The following GPHN variants were observed in gnomAD, a reference collection of about 807,000 sequenced individuals.
The protein encoded by GPHN is gephyrin.
A neutral mutation model predicts 95.5 loss-of-function variants in GPHN; 17 were observed. The observed-to-expected ratio is 0.18, with a 90% CI of 0.12 to 0.27. The LOEUF is 0.27. GPHN is among the 10% of genes least tolerant of loss of function. GPHN has a pLI of 1.00. For missense variants in GPHN, 660 were observed against 978.1 expected (o/e 0.67, Z 4.34); for synonymous variants, 320 against 322.5 (o/e 0.99, Z 0.08).
the GPHN span, among the ~76,000 whole-genome samples, chr14:67,578,966 A>T: frequency 6.6e-6 from 1 of 152,186 alleles, no homozygotes; most frequent in African/African-American, 2.4e-5. The surrounding 1 kb of genome is among the most constrained non-coding windows in gnomAD (Gnocchi z 5.0). Context: ...CCTGCTATAT[A>T]AAGGTCCTGA....
At chr14:67,278,890 C>T in the GPHN span, 2 of 204,524 alleles carry the variant, frequency 9.8e-6, no homozygotes, top group African/African-American at 4.6e-5. Flanking sequence ...AGTACTTAAT[C>T]TACTTAACAA....
At chr14:66,742,769 GT>G (rs1474285688) in intron 2 of GPHN, among the ~76,000 whole-genome samples, 1 of 151,834 alleles carries the variant, frequency 6.6e-6, no homozygotes, top group Non-Finnish European at 1.5e-5. Context: ...TTTTTGTTTT[GT>G]TTTGTTTTTG....
At chr14:67,732,076 G>A in the GPHN span, among the ~76,000 whole-genome samples, 3 of 146,918 alleles carry the variant, frequency 2.0e-5, no homozygotes, top group African/African-American at 7.6e-5. Flanking sequence ...GCAGTAAGCC[G>A]AGATCACTCC....
chr14:66,642,219 T>C (rs897964329), intron 1 of GPHN, among the ~76,000 whole-genome samples: 9 of 152,092 alleles, frequency 5.9e-5, no homozygotes, highest in Non-Finnish European at 1.5e-5. Context: ...GATAGTAAAA[T>C]GATCCTGGGT....
the GPHN span, among the ~76,000 whole-genome samples, chr14:67,547,221 G>A: frequency 1.3e-5 from 2 of 152,182 alleles, no homozygotes; most frequent in Non-Finnish European, 2.9e-5. Context: ...GAGAGACACA[G>A]ATCTGGACTA....
the GPHN span, among the ~76,000 whole-genome samples, chr14:67,443,874 ATAAATCTTGGGGCCCC>A: frequency 6.6e-6 from 1 of 152,162 alleles, no homozygotes; most frequent in Non-Finnish European, 1.5e-5. Flanking sequence ...TGAAAGGAAA[ATAAATCTTGGGGCCCC>A]TAAATCACTA....
intron 10 of GPHN, among the ~76,000 whole-genome samples, chr14:67,042,644 G>A (rs989549898): frequency 1.6e-4 from 24 of 152,270 alleles, no homozygotes; most frequent in African/African-American, 5.5e-4. Context: ...TTGTAATATA[G>A]TTTGAAGTCA....
intron 11 of GPHN, among the ~76,000 whole-genome samples, chr14:67,087,321 C>T (rs185888610): frequency 7.8e-4 from 119 of 152,290 alleles, no homozygotes; most frequent in African/African-American, 2.8e-3. Context: ...AGTGCCAGGA[C>T]AAACTACTTC....
the GPHN span, among the ~76,000 whole-genome samples, chr14:67,445,012 C>T: frequency 1.6e-4 from 25 of 152,246 alleles, no homozygotes; most frequent in East Asian, 4.6e-3. Flanking sequence ...CTGCCCGCCT[C>T]GGCCTCCCAA....
At chr14:67,340,376 A>G in the GPHN span, 1 of 1,381,914 alleles carries the variant, frequency 7.2e-7, no homozygotes, top group Non-Finnish European at 1.0e-6. Flanking sequence ...CAAGTCATTC[A>G]GCAAATACAG....
the GPHN span, among the ~76,000 whole-genome samples, chr14:67,289,290 T>A: frequency 6.6e-6 from 1 of 152,220 alleles, no homozygotes; most frequent in African/African-American, 2.4e-5. Context: ...GTCTTATAAG[T>A]CTTTATAAAA....
chr14:67,107,656 G>A (rs1039791655), intron 13 of GPHN, among the ~76,000 whole-genome samples: 3 of 152,176 alleles, frequency 2.0e-5, no homozygotes, highest in Non-Finnish European at 4.4e-5. Context: ...CCCCTGGATG[G>A]TGGGGCTACG....
At chr14:67,104,282 G>A (rs2077912021) in intron 13 of GPHN, among the ~76,000 whole-genome samples, 1 of 152,058 alleles carries the variant, frequency 6.6e-6, no homozygotes. Context: ...GTTTTATTAA[G>A]CATTTTTGCA....
intron 2 of GPHN, among the ~76,000 whole-genome samples, chr14:66,771,484 G>A (rs2059168860): frequency 6.6e-6 from 1 of 152,152 alleles, no homozygotes; most frequent in Non-Finnish European, 1.5e-5. Context: ...CACAAGGGCA[G>A]GTAAATTGCC....
intron 21 of GPHN, 45 bp downstream of exon 21, chr14:67,169,081 CAGTT>C (rs1380514917): frequency 1.8e-6 from 2 of 1,106,382 alleles, no homozygotes; most frequent in Non-Finnish European, 1.4e-6. Flanking sequence ...AGCCTGGTAA[CAGTT>C]AGGGATATGA....
chr14:66,573,558 T>C (rs2060782914), intron 1 of GPHN, among the ~76,000 whole-genome samples: 1 of 151,994 alleles, frequency 6.6e-6, no homozygotes, highest in Non-Finnish European at 1.5e-5. Context: ...GTTCAAGTGA[T>C]TCTCCTGCCT....
At chr14:67,493,369 A>G in the GPHN span, among the ~76,000 whole-genome samples, 14 of 152,252 alleles carry the variant, frequency 9.2e-5, no homozygotes, top group Non-Finnish European at 1.6e-4. Context: ...ACAGTAGCCA[A>G]TCGGAATTAG....
intron 19 of GPHN, among the ~76,000 whole-genome samples, chr14:67,163,800 C>CATT (rs2082102931): frequency 6.6e-6 from 1 of 151,530 alleles, no homozygotes; most frequent in Admixed American, 6.6e-5. Context: ...GCTTAAGGTT[C>CATT]ATTAATATAA....
At chr14:67,263,243 A>AGGGACCCT in the GPHN span, among the ~76,000 whole-genome samples, 1 of 152,206 alleles carries the variant, frequency 6.6e-6, no homozygotes, top group Non-Finnish European at 1.5e-5. Context: ...GTCTAATTGA[A>AGGGACCCT]AAGAATCATG....
Sources: allele counts gnomAD v4.1 joint callset (sites outside exome capture counted in the v4.1 genomes callset), GRCh38; gene constraint gnomAD v4.1.1; non-coding constraint Gnocchi (gnomAD v3.1); transcripts MANE v1.5; gene names NCBI Gene and HGNC (gene_info 2026-07-23, HGNC 2026-07-21).